Variants in KSR2 observed in about 807,000 individuals in gnomAD.
KSR2 encodes kinase suppressor of ras 2.
In KSR2, 25 loss-of-function variants were observed where a neutral mutation model predicts 107.8. The ratio of observed to expected loss-of-function variants is 0.23; its 90% confidence interval spans 0.17 to 0.32. The LOEUF (loss-of-function observed/expected upper bound fraction) is 0.32, where lower values mean the gene tolerates loss of function less well. Among genes scored for constraint, KSR2 ranks in the 10% least tolerant of loss-of-function variants. The pLI is 1.00. For synonymous variants in KSR2, 480 were observed against 507.0 expected (o/e 0.95, Z 0.71); for missense variants, 887 against 1,268.9 (o/e 0.70, Z 4.57).
intron 1 of KSR2, among the ~76,000 whole-genome samples, chr12:117,888,126 A>G (rs529794979): frequency 1.3e-5 from 2 of 152,208 alleles, no homozygotes; most frequent in Non-Finnish European, 2.9e-5. Context: ...CCTTTTGAGA[A>G]TAACCATCAA....
chr12:117,871,343 C>A (rs144113491), intron 1 of KSR2, among the ~76,000 whole-genome samples: 1 of 152,254 alleles, frequency 6.6e-6, no homozygotes, highest in Non-Finnish European at 1.5e-5. Flanking sequence ...AGTCTCAGCA[C>A]TTTGGGAGAC....
chr12:117,910,264 A>G (rs1286452687), intron 1 of KSR2, among the ~76,000 whole-genome samples: 1 of 152,166 alleles, frequency 6.6e-6, no homozygotes, highest in Non-Finnish European at 1.5e-5. Context: ...GTATGCCAAG[A>G]AAGTCTCAGT....
intron 9 of KSR2, among the ~76,000 whole-genome samples, chr12:117,544,966 T>C (rs545465560): frequency 6.6e-6 from 1 of 152,310 alleles, no homozygotes; most frequent in South Asian, 2.1e-4. Context: ...GCTGTAGTAT[T>C]ATTTTAGGTG....
chr12:117,621,627 C>A (rs762299706), intron 5 of KSR2, among the ~76,000 whole-genome samples: 1 of 152,116 alleles, frequency 6.6e-6, no homozygotes, highest in Non-Finnish European at 1.5e-5. Context: ...GTCATCAACA[C>A]AGACCTCCTC....
At chr12:117,889,124 T>C (rs142680298) in intron 1 of KSR2, among the ~76,000 whole-genome samples, 1 of 152,016 alleles carries the variant, frequency 6.6e-6, no homozygotes, top group East Asian at 1.9e-4. Flanking sequence ...TGGGTGGAGG[T>C]AGAATTGGAA....
chr12:117,503,678 T>C (rs556816733), intron 14 of KSR2, among the ~76,000 whole-genome samples: 1 of 152,290 alleles, frequency 6.6e-6, no homozygotes, highest in South Asian at 2.1e-4. Context: ...TTAGGGTTGT[T>C]TGTCATTGCA....
intron 3 of KSR2, among the ~76,000 whole-genome samples, chr12:117,832,511 A>G (rs1188044937): frequency 1.3e-5 from 2 of 152,220 alleles, no homozygotes; most frequent in African/African-American, 2.4e-5. Context: ...TTTTATCTGC[A>G]TCACCTCACT....
intron 9 of KSR2, among the ~76,000 whole-genome samples, chr12:117,554,872 G>C (rs1324949461): frequency 6.6e-6 from 1 of 152,108 alleles, no homozygotes; most frequent in Admixed American, 6.5e-5. Context: ...GTGAGGTCTG[G>C]ACCACTAAGG....
intron 5 of KSR2, among the ~76,000 whole-genome samples, chr12:117,638,476 T>A (rs773112849): frequency 2.6e-5 from 4 of 151,892 alleles, no homozygotes; most frequent in Admixed American, 6.6e-5. Context: ...TACTGAACTG[T>A]TCACATAGCC....
chr12:117,923,602 A>T (rs1298880276), intron 1 of KSR2, among the ~76,000 whole-genome samples: 1 of 152,156 alleles, frequency 6.6e-6, no homozygotes, highest in African/African-American at 2.4e-5. Flanking sequence ...GAGGTCAAGG[A>T]TACAGCGAGC....
chr12:117,619,304 G>T (rs1882046055), intron 5 of KSR2, among the ~76,000 whole-genome samples: 1 of 151,786 alleles, frequency 6.6e-6, no homozygotes, highest in Non-Finnish European at 1.5e-5. Context: ...TTGGTGTGCT[G>T]CACCCAGTAA....
chr12:117,812,558 C>A (rs1475647539), intron 3 of KSR2, among the ~76,000 whole-genome samples: 1 of 152,084 alleles, frequency 6.6e-6, no homozygotes, highest in African/African-American at 2.4e-5. Context: ...GTAAATGGTC[C>A]TGTACTCTCC....
At chr12:117,700,039 A>C (rs1423594643) in intron 4 of KSR2, among the ~76,000 whole-genome samples, 3 of 128,074 alleles carry the variant, frequency 2.3e-5, no homozygotes, top group South Asian at 3.0e-4. Flanking sequence ...CTCCTCACTA[A>C]TTTTGGTACT....
intron 5 of KSR2, among the ~76,000 whole-genome samples, chr12:117,624,599 C>T (rs1160440539): frequency 6.6e-6 from 1 of 152,168 alleles, no homozygotes; most frequent in Non-Finnish European, 1.5e-5. Flanking sequence ...CAGTACCATG[C>T]TGTTTTGGTT....
At chr12:117,872,949 A>C (rs1309772378) in intron 1 of KSR2, among the ~76,000 whole-genome samples, 4 of 152,186 alleles carry the variant, frequency 2.6e-5, no homozygotes, top group African/African-American at 9.6e-5. Context: ...GGGAAGACAG[A>C]TGTGCAAATG....
chr12:117,927,682 G>T (rs1895570430), intron 1 of KSR2, among the ~76,000 whole-genome samples: 1 of 151,774 alleles, frequency 6.6e-6, no homozygotes, highest in Non-Finnish European at 1.5e-5. Context: ...GACAGAGCAA[G>T]ACTCAGTCTG....
intron 5 of KSR2, among the ~76,000 whole-genome samples, chr12:117,593,967 C>T (rs1408912050): frequency 6.6e-6 from 1 of 152,208 alleles, no homozygotes; most frequent in African/African-American, 2.4e-5. Context: ...CAGAGCGTGT[C>T]CACAGCACTT....
chr12:117,882,516 C>G (rs1048262223), intron 1 of KSR2, among the ~76,000 whole-genome samples: 8 of 150,260 alleles, frequency 5.3e-5, no homozygotes, highest in African/African-American at 2.0e-4. Context: ...CATCCATCCA[C>G]TCATCCTTGC....
intron 1 of KSR2, among the ~76,000 whole-genome samples, chr12:117,872,444 G>T (rs750282719): frequency 1.3e-5 from 2 of 152,076 alleles, no homozygotes; most frequent in Non-Finnish European, 2.9e-5. Context: ...TGCACCTGTA[G>T]TCCCAGCTAC....
Sources: allele counts gnomAD v4.1 joint callset (sites outside exome capture counted in the v4.1 genomes callset), GRCh38; gene constraint gnomAD v4.1.1; transcripts MANE v1.5; gene names NCBI Gene and HGNC (gene_info 2026-07-23, HGNC 2026-07-21).